Variants in PAFAH2 observed in about 807,000 individuals in gnomAD.
The protein encoded by PAFAH2 is platelet-activating factor acetylhydrolase 2, cytoplasmic.
A neutral mutation model predicts 49.0 loss-of-function variants in PAFAH2; 42 were observed. That is an observed-to-expected ratio of 0.86 (90% CI 0.67 to 1.11). The LOEUF is 1.11. Among genes scored for constraint, PAFAH2 ranks in the 50% least tolerant of loss-of-function variants. PAFAH2 has a pLI of 0.00. For synonymous variants in PAFAH2, 184 were observed against 181.3 expected, an observed-to-expected ratio of 1.01 and a Z score of -0.12; for missense variants, 503 against 501.8, an observed-to-expected ratio of 1.00 and a Z score of -0.02.
At chr1:25,993,194 C>G (rs996098264) in intron 1 of PAFAH2, among the ~76,000 whole-genome samples, 6 of 152,160 alleles carry the variant, frequency 3.9e-5, no homozygotes, top group African/African-American at 1.2e-4. Flanking sequence ...AGTTAGATTT[C>G]TTTTGGTTGT....
At chr1:25,996,352 G>A (rs539823066) in intron 1 of PAFAH2, among the ~76,000 whole-genome samples, 17 of 152,266 alleles carry the variant, frequency 1.1e-4, no homozygotes, top group South Asian at 6.2e-4. Context: ...GTGACAGAGC[G>A]AGGTCTTGTC....
At chr1:25,970,536 G>A (rs980354628) in intron 10 of PAFAH2, among the ~76,000 whole-genome samples, 4 of 152,096 alleles carry the variant, frequency 2.6e-5, no homozygotes, top group East Asian at 1.9e-4. Flanking sequence ...GGATGGCACC[G>A]GTCAGACCAC....
At chr1:25,972,385 A>T (rs1051341481) in intron 10 of PAFAH2, among the ~76,000 whole-genome samples, 173 bp downstream of exon 10, 2 of 151,934 alleles carry the variant, frequency 1.3e-5, no homozygotes, top group Non-Finnish European at 1.5e-5. Flanking sequence ...GGCGTGAGCC[A>T]CTGCACCTGG....
rs759982390 is a variant in PAFAH2, at chr1:25,989,578, G to A, written c.114C>T (p.Tyr38=). Residue 38 remains tyrosine, a synonymous_variant, in exon 3 of 11, where the codon TAC becomes TAT. Transcript: ENST00000374282. ...TGGTCTCCTCTGCCTTTTGGCAGGG[G>A]TAGAAGAGTCGAAAGAAGCTCCCCT... ...NLQGSFFRLF[Y]PCQKAEETME... 22 of 1,598,966 alleles carry A rather than the reference G, an allele frequency of 1.4e-5. No homozygotes were observed. In the East Asian group the frequency reaches 4.1e-4, roughly 30 times the overall value.
In PAFAH2 at chr1:25,988,260, G is replaced by A. The variant is rs897791364; in HGVS notation, c.312C>T (p.Ile104=). ...FKTKDSGYPL[I]IFSHGLGAFR... is the part of the protein sequence containing the mutation. ...AGGCTCCTAGGCCATGGGAGAAGAT[G>A]ATCAAGGGGTATCCAGAGTCCTTTG... Residue 104 remains isoleucine, a synonymous_variant, in exon 4 of 11, where the codon ATC becomes ATT. Coordinates refer to ENST00000374282, the MANE Select transcript of PAFAH2 (RefSeq NM_000437.4). The A allele has an allele frequency of 6.2e-7, 1 of 1,608,554 alleles. No homozygotes were observed. The highest frequency in any genetic ancestry group is 8.5e-7 in the Non-Finnish European group (1 of 1,177,500).
At position 25,976,787 on chromosome 1, in the gene PAFAH2, A is replaced by T; in HGVS notation, c.667-14T>A. 1 of 1,607,536 alleles carries T rather than the reference A, an allele frequency of 6.2e-7. No individual in the cohort carries two copies. On this transcript the variant is annotated splice_polypyrimidine_tract_variant and intron_variant, in intron 7 of 10. Transcript: ENST00000374282. Reference sequence around the variant, plus strand: ...GTCAATGTTGCCCTGAGGAAAGTGGAGAACTTAGCCAAGTCAGAAACTCAG... The same window carrying T: ...GTCAATGTTGCCCTGAGGAAAGTGGTGAACTTAGCCAAGTCAGAAACTCAG...
At chr1:25,991,074 G>C (rs2049866071) in intron 1 of PAFAH2, among the ~76,000 whole-genome samples, 1 of 152,152 alleles carries the variant, frequency 6.6e-6, no homozygotes, top group South Asian at 2.1e-4. Flanking sequence ...GAGATGGCTG[G>C]AAGACGAAAG....
chr1:25,974,724 G>T, intron 8 of PAFAH2, 74 bp from the exon 9 acceptor site: 1 of 1,411,074 alleles, frequency 7.1e-7, no homozygotes, highest in Non-Finnish European at 9.7e-7. Context: ...GGAGGGAAGG[G>T]CGGAGTTCCT....
chr1:25,986,897 T>C (rs1363462219), intron 4 of PAFAH2, among the ~76,000 whole-genome samples: 1 of 152,112 alleles, frequency 6.6e-6, no homozygotes, highest in East Asian at 1.9e-4. Context: ...GTACCTATTA[T>C]ATGCTGGGCA....
intron 8 of PAFAH2, among the ~76,000 whole-genome samples, chr1:25,975,135 G>A (rs898048491): frequency 2.6e-5 from 4 of 152,152 alleles, no homozygotes; most frequent in Non-Finnish European, 5.9e-5. Context: ...AAGCCTCCTT[G>A]GTGCCAACAG....
intron 10 of PAFAH2, among the ~76,000 whole-genome samples, 156 bp from the exon 11 acceptor site, chr1:25,962,239 T>C (rs1435496339): frequency 6.6e-6 from 1 of 152,146 alleles, no homozygotes; most frequent in Admixed American, 6.5e-5. Context: ...GCGGTAACGA[T>C]AACTATCATT....
chr1:25,991,713 C>A (rs930655013), intron 1 of PAFAH2, among the ~76,000 whole-genome samples: 2 of 151,150 alleles, frequency 1.3e-5, no homozygotes, highest in African/African-American at 2.4e-5. Context: ...GCCAACATGG[C>A]GAAACCCCGT....
At chr1:25,973,004 T>C (rs2049533311) in intron 9 of PAFAH2, among the ~76,000 whole-genome samples, 1 of 152,026 alleles carries the variant, frequency 6.6e-6, no homozygotes, top group African/African-American at 2.4e-5. Context: ...AGGGAAAAGG[T>C]TGAGCTAGCA....
chr1:25,964,194 T>C (rs1572337385), intron 10 of PAFAH2: 1 of 152,352 alleles, frequency 6.6e-6, no homozygotes, highest in East Asian at 1.9e-4. Flanking sequence ...AAAAGACTCT[T>C]CAGTGCTCGC....
intron 8 of PAFAH2, 127 bp from the exon 9 acceptor site, chr1:25,974,777 C>A (rs916256034): frequency 2.7e-6 from 2 of 733,300 alleles, no homozygotes; most frequent in Admixed American, 3.1e-5. Flanking sequence ...GAGGGGGGTA[C>A]CAGGGCCCAC....
intron 10 of PAFAH2, among the ~76,000 whole-genome samples, chr1:25,966,893 C>A (rs2992060): frequency 1.3e-5 from 2 of 151,942 alleles, no homozygotes; most frequent in South Asian, 2.1e-4. Context: ...TTAGTCGGGC[C>A]TGGTGGTGGG....
At chr1:25,990,909 C>A (rs1383628271) in intron 1 of PAFAH2, 46 bp from the exon 2 acceptor site, 2 of 962,796 alleles carry the variant, frequency 2.1e-6, no homozygotes, top group Non-Finnish European at 3.3e-6. Flanking sequence ...GGTTTCCTCT[C>A]GGCTTCCTGT....
At chr1:25,965,215 A>G (rs2049401833) in intron 10 of PAFAH2, among the ~76,000 whole-genome samples, 1 of 152,248 alleles carries the variant, frequency 6.6e-6, no homozygotes, top group Non-Finnish European at 1.5e-5. Context: ...AGCCATATGA[A>G]GAAGAATGAA....
At chr1:25,987,794 C>CTTGA (rs1160954122) in intron 4 of PAFAH2, among the ~76,000 whole-genome samples, 1 of 151,882 alleles carries the variant, frequency 6.6e-6, no homozygotes, top group East Asian at 1.9e-4. Flanking sequence ...AGGAGCACTG[C>CTTGA]TTGAGCCCAA....
Sources: allele counts gnomAD v4.1 joint callset (sites outside exome capture counted in the v4.1 genomes callset), GRCh38; gene constraint gnomAD v4.1.1; transcripts MANE v1.5; gene names NCBI Gene and HGNC (gene_info 2026-07-23, HGNC 2026-07-21).